The following OTX1 variants were observed in gnomAD, a reference collection of about 807,000 sequenced individuals.
OTX1 encodes the protein orthodenticle homeobox 1.
Under a neutral mutation model 26.7 loss-of-function variants are expected in OTX1, and 7 were observed. The ratio of observed to expected loss-of-function variants is 0.26; its 90% CI spans 0.15 to 0.49. OTX1 has a LOEUF of 0.49. OTX1 is among the 20% of genes least tolerant of loss of function. The pLI, the probability that OTX1 is intolerant of heterozygous loss-of-function variation, is 0.98. For missense variants in OTX1, 414 were observed against 483.8 expected (o/e 0.86, Z 1.35); for synonymous variants, 216 against 212.8 (o/e 1.01, Z -0.13).
chr2:63,056,424 G>C lies in OTX1; in HGVS notation c.*108G>C. 9.9e-7 allele frequency: 1 copy of C among 1,005,056 alleles called. No homozygotes were observed. Among genetic ancestry groups the C allele is most frequent in the Non-Finnish European group, 1.5e-6 (1 of 687,096 alleles). 62.3% of individuals were successfully genotyped at this position (1,005,056 alleles called of 1,614,324 possible). A position where few individuals can be genotyped will look rare whatever the true frequency, so the allele number is the denominator to read the frequency against. Reference sequence around the variant, plus strand: ...CCTTTGCCTCGTCTTCTCCAAAACTGAATTTTCACCCCCCAAAAAGATGTC... The same window carrying C: ...CCTTTGCCTCGTCTTCTCCAAAACTCAATTTTCACCCCCCAAAAAGATGTC... On this transcript the variant is annotated 3_prime_UTR_variant, in exon 5 of 5. Transcript: ENST00000282549.
chr2:63,053,941 C>A, intron 3 of OTX1, 106 bp from the exon 4 acceptor site: 1 of 1,353,116 alleles, frequency 7.4e-7, no homozygotes, highest in South Asian at 1.5e-5. Flanking sequence ...GTTCGGCTTT[C>A]TTTTGCGAAG....
At chr2:63,054,681 G>C (rs2062051101) in intron 4 of OTX1, among the ~76,000 whole-genome samples, 1 of 152,214 alleles carries the variant, frequency 6.6e-6, no homozygotes, top group African/African-American at 2.4e-5. Flanking sequence ...TCTGCTTACA[G>C]AGGATGCTAA....
intron 3 of OTX1, among the ~76,000 whole-genome samples, chr2:63,053,754 GA>G (rs1343532053): frequency 1.8e-4 from 28 of 152,298 alleles, no homozygotes; most frequent in African/African-American, 6.7e-4. Context: ...GTGCAGGGGA[GA>G]GGGGATGTAG....
In OTX1 at chr2:63,055,772, C is replaced by T. The variant is rs369069078; in HGVS notation, c.521C>T (p.Ser174Leu). 5 of 1,612,450 alleles carry T rather than the reference C, an allele frequency of 3.1e-6. No homozygotes were observed. The African/African-American group carries it at 4.0e-5, about 13-fold the overall frequency. ...AASSLSTPAASSIWSPASISP... is the reference protein window; with the variant it reads ...AASSLSTPAALSIWSPASISP... ...TCGTCGCTGAGTACACCAGCTGCCT[C>T]ATCTATCTGGAGCCCGGCCTCCATC... The change falls in exon 5 of 5, where the codon TCA (serine) becomes TTA (leucine). Residue 174 changes from serine to leucine, a missense_variant. Coordinates refer to ENST00000282549, the MANE Select transcript of OTX1 (RefSeq NM_014562.4). The surrounding 1 kb of genome is among the most constrained non-coding windows in gnomAD (Gnocchi z 5.2).
intron 4 of OTX1, among the ~76,000 whole-genome samples, chr2:63,054,708 CCGG>C (rs2062051275): frequency 1.3e-5 from 2 of 152,210 alleles, no homozygotes; most frequent in Admixed American, 1.3e-4. Flanking sequence ...AATCCTGCTG[CCGG>C]CTTTCTTATT....
intron 2 of OTX1, chr2:63,051,889 G>T (rs1401814555): frequency 6.6e-6 from 1 of 152,658 alleles, no homozygotes; most frequent in Non-Finnish European, 1.5e-5. Context: ...TCCCGGCAGC[G>T]GCGGGGGCGA....
chr2:63,055,656 T>C lies in OTX1; in HGVS notation c.405T>C (p.Ser135=). 6.2e-7 allele frequency: 1 copy of C among 1,614,102 alleles called. No homozygotes were observed. The highest frequency in any genetic ancestry group is 8.5e-7 in the Non-Finnish European group (1 of 1,180,004). Residue 135 remains serine, a synonymous_variant, in exon 5 of 5, where the codon TCT becomes TCC. Transcript: ENST00000282549. The surrounding 1 kb of genome is among the most constrained non-coding windows in gnomAD (Gnocchi z 5.2). ...GQFTPPAVSS[S]ASSSSSASSS... Reference sequence around the variant, plus strand: ...TCACGCCGCCAGCTGTGTCCAGCTCTGCCTCGTCCTCTAGCTCGGCGTCCA... The same window carrying C: ...TCACGCCGCCAGCTGTGTCCAGCTCCGCCTCGTCCTCTAGCTCGGCGTCCA...
chr2:63,053,396 C>A, intron 3 of OTX1: 1 of 331,754 alleles, frequency 3.0e-6, no homozygotes, highest in Non-Finnish European at 5.4e-6. Context: ...TACCCAGGGG[C>A]GGCTAGTATT....
At chr2:63,050,434 G>C (rs2062016488), upstream of OTX1, among the ~76,000 whole-genome samples, 2 of 152,146 alleles carry the variant, frequency 1.3e-5, no homozygotes, top group African/African-American at 4.8e-5. Context: ...GCGGGAGAGC[G>C]AAGGAACCGG....
At position 63,052,867 on chromosome 2, in the gene OTX1, C is replaced by T; in HGVS notation, c.-111-13C>T. The T allele has an allele frequency of 3.1e-6, 2 of 638,152 alleles. No individual in the cohort carries two copies. The highest frequency in any genetic ancestry group is 5.5e-6 in the Non-Finnish European group (2 of 366,882). 39.5% of individuals were successfully genotyped at this position (638,152 alleles called of 1,614,324 possible). ...TCCGATTGACGGTTTCCGTGTGTCTCGTGTCTTCATAGGCCAGGCCCCCAG... is the reference window on the plus strand; with the variant it reads ...TCCGATTGACGGTTTCCGTGTGTCTTGTGTCTTCATAGGCCAGGCCCCCAG... On this transcript the variant is annotated splice_polypyrimidine_tract_variant and intron_variant, in intron 2 of 4. Coordinates refer to ENST00000282549, the MANE Select transcript of OTX1 (RefSeq NM_014562.4).
chr2:63,054,294 C>A, intron 4 of OTX1, 96 bp downstream of exon 4: 3 of 1,252,838 alleles, frequency 2.4e-6, no homozygotes, highest in Non-Finnish European at 3.2e-6. Flanking sequence ...AGGAGACCAT[C>A]CTGTGGGGGT....
At chr2:63,051,823 G>C (rs1203676645) in intron 2 of OTX1, 2 of 152,544 alleles carry the variant, frequency 1.3e-5, no homozygotes, top group African/African-American at 4.8e-5. Flanking sequence ...GCCCCCCAGG[G>C]CCCCAGGCCC....
At chr2:63,054,875 C>T (rs1559119454) in intron 4 of OTX1, among the ~76,000 whole-genome samples, 1 of 152,186 alleles carries the variant, frequency 6.6e-6, no homozygotes, top group Non-Finnish European at 1.5e-5. Context: ...GTAACCATTC[C>T]ATTTGGTTCC....
chr2:63,049,986 A>ACT (rs1035841493), upstream of OTX1: 1 of 152,332 alleles, frequency 6.6e-6, no homozygotes, highest in African/African-American at 2.4e-5. This position sits in a 1 kb window ranked among gnomAD's most constrained non-coding sequence, Gnocchi z 4.8. Context: ...AAAGAGAGAG[A>ACT]AAGAGCGAAA....
chr2:63,052,950 G>C lies in OTX1; in HGVS notation c.-41G>C. 2 of 1,413,348 alleles carry C rather than the reference G, an allele frequency of 1.4e-6. No homozygotes were observed. Among genetic ancestry groups the C allele is most frequent in the Non-Finnish European group, 2.0e-6 (2 of 1,007,036 alleles). 87.6% of individuals were successfully genotyped at this position (1,413,348 alleles called of 1,614,324 possible). A position where few individuals can be genotyped will look rare whatever the true frequency, so the allele number is the denominator to read the frequency against. ...AGCCCTGCACCGCTCCTGGCCCCGG[G>C]CCCCCTGGATCCGTCGGGGCGCCTC... On this transcript the variant is annotated 5_prime_UTR_variant, in exon 3 of 5. Transcript: ENST00000282549.
At chr2:63,053,879 C>A in intron 3 of OTX1, 168 bp from the exon 4 acceptor site, 1 of 680,338 alleles carries the variant, frequency 1.5e-6, no homozygotes, top group Non-Finnish European at 2.5e-6. Context: ...GCACTTTCTC[C>A]CACCTGTGGC....
chr2:63,054,432 G>A (rs2062049080), intron 4 of OTX1, among the ~76,000 whole-genome samples: 1 of 152,262 alleles, frequency 6.6e-6, no homozygotes, highest in Non-Finnish European at 1.5e-5. Context: ...GGCGCCTTCG[G>A]TGTCGGTATC....
chr2:63,053,260 G>T (rs1475761661), intron 3 of OTX1, 173 bp downstream of exon 3: 5 of 503,338 alleles, frequency 9.9e-6, no homozygotes, highest in South Asian at 3.2e-5. Flanking sequence ...GGGCAGAGTC[G>T]TGGGCGTGTG....
chr2:63,056,197 T>G lies in OTX1; in HGVS notation c.946T>G (p.Cys316Gly). 1 of 1,614,066 alleles carries G rather than the reference T, an allele frequency of 6.2e-7. No homozygotes were observed. The highest frequency in any genetic ancestry group is 8.5e-7 in the Non-Finnish European group (1 of 1,180,016). Reference sequence around the variant, plus strand: ...TGGGCTTGCCTTCAACTCTGCCGACTGCTTGGATTACAAGGAGCCTGGCGC... The same window carrying G: ...TGGGCTTGCCTTCAACTCTGCCGACGGCTTGGATTACAAGGAGCCTGGCGC... ...GSGLAFNSADCLDYKEPGAAA... is the reference protein window; with the variant it reads ...GSGLAFNSADGLDYKEPGAAA... The change falls in exon 5 of 5, where the codon TGC (cysteine) becomes GGC (glycine). Residue 316 changes from cysteine (C) to glycine (G), a missense_variant. Coordinates refer to ENST00000282549, the MANE Select transcript of OTX1 (RefSeq NM_014562.4).
Sources: gnomAD v4.1 joint callset for allele counts (sites outside exome capture counted in the v4.1 genomes callset) on GRCh38, gnomAD v4.1.1 for gene constraint, Gnocchi (gnomAD v3.1) non-coding constraint, MANE v1.5 for transcripts, NCBI Gene and HGNC (gene_info 2026-07-23, HGNC 2026-07-21) for gene names.